Variants in TTC29 observed in about 807,000 individuals in gnomAD.
The protein encoded by TTC29 is tetratricopeptide repeat domain 29.
TTC29 carries 49 observed loss-of-function variants against 58.1 expected under a neutral mutation model. The observed-to-expected ratio is 0.84, with a 90% CI of 0.67 to 1.07. The LOEUF is 1.07. Ranked by LOEUF, TTC29 falls within the 50% of genes least tolerant of loss-of-function variation. The pLI is 0.00. For missense variants in TTC29, 582 were observed against 555.6 expected (o/e 1.05, Z -0.48); for synonymous variants, 209 against 196.8 (o/e 1.06, Z -0.52).
chr4:146,817,721 G>T (rs915191042), intron 10 of TTC29, among the ~76,000 whole-genome samples: 2 of 152,248 alleles, frequency 1.3e-5, no homozygotes, highest in Admixed American at 6.5e-5. Flanking sequence ...CATGGTACTT[G>T]TACCAAAACA....
chr4:146,878,256 C>T (rs551478957), intron 6 of TTC29, among the ~76,000 whole-genome samples: 8 of 152,232 alleles, frequency 5.3e-5, no homozygotes, highest in African/African-American at 1.4e-4. Flanking sequence ...CAATATACTA[C>T]TTAGTTCATG....
intron 6 of TTC29, among the ~76,000 whole-genome samples, chr4:146,899,413 T>C (rs1420505926): frequency 3.9e-5 from 6 of 152,206 alleles, no homozygotes; most frequent in African/African-American, 1.4e-4. Flanking sequence ...GTTTGCATAA[T>C]AAAAACCTTA....
At chr4:146,896,841 C>T (rs935176068) in intron 6 of TTC29, among the ~76,000 whole-genome samples, 18 of 152,094 alleles carry the variant, frequency 1.2e-4, no homozygotes, top group African/African-American at 3.4e-4. Flanking sequence ...TGAATGCCTT[C>T]CTGATTTTAT....
intron 11 of TTC29, among the ~76,000 whole-genome samples, chr4:146,741,232 G>T (rs575715185): frequency 1.3e-5 from 2 of 152,128 alleles, no homozygotes; most frequent in East Asian, 3.9e-4. Context: ...ATGACTATAC[G>T]CAAGTATTTT....
chr4:146,889,200 T>A (rs910189273), intron 6 of TTC29, among the ~76,000 whole-genome samples: 1 of 152,092 alleles, frequency 6.6e-6, no homozygotes, highest in Non-Finnish European at 1.5e-5. Flanking sequence ...TAATTAACAT[T>A]CCCCCACCCA....
chr4:146,937,347 C>G (rs886676935), intron 4 of TTC29, among the ~76,000 whole-genome samples: 1 of 151,932 alleles, frequency 6.6e-6, no homozygotes, highest in Non-Finnish European at 1.5e-5. Context: ...ACAGACTTAA[C>G]TAAATATTGC....
chr4:146,718,618 T>A (rs1445663778), intron 11 of TTC29, among the ~76,000 whole-genome samples: 1 of 152,200 alleles, frequency 6.6e-6, no homozygotes, highest in African/African-American at 2.4e-5. Context: ...TAATCCCTTA[T>A]CAGATGTATG....
At chr4:146,873,108 C>T (rs932718563) in intron 7 of TTC29, among the ~76,000 whole-genome samples, 5 of 152,050 alleles carry the variant, frequency 3.3e-5, no homozygotes, top group African/African-American at 1.2e-4. Context: ...CATCAACGTA[C>T]CCTAACAAAG....
At chr4:146,848,433 C>T (rs761054746) in intron 8 of TTC29, among the ~76,000 whole-genome samples, 6 of 152,096 alleles carry the variant, frequency 3.9e-5, no homozygotes, top group Non-Finnish European at 5.9e-5. Context: ...CATAAAGAGG[C>T]TTGGGACAGA....
intron 3 of TTC29, 76 bp downstream of exon 3, chr4:146,939,728 T>G: frequency 1.0e-5 from 13 of 1,271,732 alleles, no homozygotes; most frequent in African/African-American, 1.5e-5. Flanking sequence ...TTTTATTTTC[T>G]GAGATACATT....
intron 9 of TTC29, among the ~76,000 whole-genome samples, chr4:146,833,490 A>T (rs374537112): frequency 6.6e-6 from 1 of 152,154 alleles, no homozygotes; most frequent in Admixed American, 6.5e-5. Flanking sequence ...AGCGTACTAC[A>T]TATTTCTGTG....
intron 11 of TTC29, among the ~76,000 whole-genome samples, chr4:146,721,816 T>A (rs1466661509): frequency 6.6e-6 from 1 of 152,070 alleles, no homozygotes; most frequent in African/African-American, 2.4e-5. Context: ...CCCAGAGCAA[T>A]CAGGCAAGAG....
intron 10 of TTC29, among the ~76,000 whole-genome samples, chr4:146,814,221 A>G (rs1296970966): frequency 6.6e-6 from 1 of 152,192 alleles, no homozygotes; most frequent in Non-Finnish European, 1.5e-5. Context: ...AACAACAATA[A>G]TAAGAAAATA....
intron 9 of TTC29, among the ~76,000 whole-genome samples, chr4:146,821,496 C>T (rs559199058): frequency 1.3e-5 from 2 of 152,270 alleles, no homozygotes; most frequent in South Asian, 2.1e-4. Flanking sequence ...TGAAAGCTTT[C>T]ATTGGTAGTG....
intron 4 of TTC29, among the ~76,000 whole-genome samples, chr4:146,921,469 C>A (rs1734576149): frequency 6.6e-6 from 1 of 150,938 alleles, no homozygotes; most frequent in Non-Finnish European, 1.5e-5. Flanking sequence ...GAATATTTTT[C>A]TTTTGTATTA....
At chr4:146,898,117 C>T (rs2150261193) in intron 6 of TTC29, among the ~76,000 whole-genome samples, 1 of 152,290 alleles carries the variant, frequency 6.6e-6, no homozygotes, top group African/African-American at 2.4e-5. Flanking sequence ...GTGTCATGAT[C>T]ACTAAAGAAT....
intron 4 of TTC29, among the ~76,000 whole-genome samples, chr4:146,917,007 A>G (rs373867976): frequency 2.6e-5 from 4 of 151,374 alleles, no homozygotes; most frequent in African/African-American, 7.2e-5. Flanking sequence ...AATTTTTATT[A>G]ATCCAAATAA....
intron 10 of TTC29, chr4:146,812,955 A>G (rs1751121140): frequency 6.6e-6 from 1 of 152,198 alleles, no homozygotes; most frequent in Admixed American, 6.5e-5. Flanking sequence ...GAGTTTGACA[A>G]TATGCATCCT....
intron 11 of TTC29, among the ~76,000 whole-genome samples, chr4:146,749,504 T>C (rs1244495860): frequency 6.6e-6 from 1 of 151,652 alleles, no homozygotes; most frequent in Non-Finnish European, 1.5e-5. Flanking sequence ...AATAAAAGAG[T>C]GAAGATAGCC....
Sources: allele counts gnomAD v4.1 joint callset (sites outside exome capture counted in the v4.1 genomes callset), GRCh38; gene constraint gnomAD v4.1.1; transcripts MANE v1.5; gene names NCBI Gene and HGNC (gene_info 2026-07-23, HGNC 2026-07-21).